The following RORA variants were observed in gnomAD, a reference collection of about 807,000 sequenced individuals.
RORA encodes RAR related orphan receptor A.
Under a neutral mutation model 69.5 loss-of-function variants are expected in RORA, and 7 were observed. That is an observed-to-expected ratio of 0.10 (90% CI 0.06 to 0.19). The LOEUF (loss-of-function observed/expected upper bound fraction) is 0.19. Ranked by LOEUF, RORA falls within the 10% of genes least tolerant of loss-of-function variation. The probability of loss-of-function intolerance (pLI) is 1.00; values close to 1 mark genes in which losing one functional copy is unlikely to be tolerated. For missense variants in RORA, 457 were observed against 663.0 expected (o/e 0.69, Z 3.41); for synonymous variants, 261 against 240.8 (o/e 1.08, Z -0.78).
intron 1 of RORA, among the ~76,000 whole-genome samples, chr15:60,718,613 C>G (rs2071251059): frequency 6.6e-6 from 1 of 152,114 alleles, no homozygotes; most frequent in Admixed American, 6.5e-5. Flanking sequence ...TGCAAACTGA[C>G]TTTAAAAGAC....
At chr15:60,948,648 C>G (rs1156983766) in intron 1 of RORA, among the ~76,000 whole-genome samples, 1 of 152,148 alleles carries the variant, frequency 6.6e-6, no homozygotes, top group African/African-American at 2.4e-5. Flanking sequence ...AAAACTGAGG[C>G]TTAGACAAGT....
chr15:61,156,717 G>A (rs1375002028), intron 1 of RORA, among the ~76,000 whole-genome samples: 1 of 152,186 alleles, frequency 6.6e-6, no homozygotes, highest in Non-Finnish European at 1.5e-5. Context: ...AAAACTTGAC[G>A]TCTTCTCCAG....
At chr15:60,513,591 T>G (rs2065773206) in intron 4 of RORA, among the ~76,000 whole-genome samples, 1 of 152,242 alleles carries the variant, frequency 6.6e-6, no homozygotes, top group African/African-American at 2.4e-5. Flanking sequence ...CATCGGAAGA[T>G]GAAATCTGCA....
chr15:60,966,691 C>T (rs1420686526), intron 1 of RORA, among the ~76,000 whole-genome samples: 1 of 152,176 alleles, frequency 6.6e-6, no homozygotes, highest in African/African-American at 2.4e-5. Flanking sequence ...AGAGAGAATG[C>T]TTCTACATTT....
chr15:61,008,360 T>A lies in RORA; in HGVS notation c.166+220693A>T, dbSNP rs1268339168. ...GGGTTTAAGGGGGCTAATGAAAATATTTGATTTAGCTCTCTAAAGAGATCT... is the reference window on the plus strand; with the variant it reads ...GGGTTTAAGGGGGCTAATGAAAATAATTGATTTAGCTCTCTAAAGAGATCT... On this transcript the variant is annotated intron_variant, in intron 1 of 10. Coordinates refer to ENST00000335670, the MANE Select transcript of RORA (RefSeq NM_134261.3). Among the ~76,000 whole-genome samples, 10 of 152,168 alleles carry A rather than the reference T, an allele frequency of 6.6e-5. No individual in the cohort carries two copies. In the East Asian group the frequency reaches 1.9e-3, roughly 29 times the overall value.
In RORA at chr15:60,489,380, TA is replaced by T. The variant is rs2087066663; in HGVS notation, c.*8074del. 1 of 152,218 alleles carries T rather than the reference TA, an allele frequency of 6.6e-6. No homozygotes were observed. Among genetic ancestry groups the T allele is most frequent in the South Asian group, 2.1e-4 (1 of 4,828 alleles). 9.4% of individuals were successfully genotyped at this position (152,218 alleles called of 1,614,324 possible). A position where few individuals can be genotyped will look rare whatever the true frequency, so the allele number is the denominator to read the frequency against. On this transcript the variant is annotated 3_prime_UTR_variant, in exon 11 of 11. Transcript: ENST00000335670. The stretch of plus-strand genomic sequence containing the variant: ...TCACCTTCAGTTACAAAAAGTGCAG[TA>T]AACAGAAACATTTGCTCTACATTTA...
At chr15:60,632,502 C>A (rs1396346828) in intron 2 of RORA, among the ~76,000 whole-genome samples, 1 of 152,182 alleles carries the variant, frequency 6.6e-6, no homozygotes, top group Non-Finnish European at 1.5e-5. Flanking sequence ...ATTTCAAATA[C>A]ACAATGAATA....
At chr15:60,772,084 T>A (rs1699676584) in intron 1 of RORA, among the ~76,000 whole-genome samples, 1 of 152,106 alleles carries the variant, frequency 6.6e-6, no homozygotes, top group African/African-American at 2.4e-5. Flanking sequence ...ATACTTTAAG[T>A]TCTAGGATAC....
intron 1 of RORA, among the ~76,000 whole-genome samples, chr15:61,137,052 AAAGAAAGAAAG>A (rs2079249569): frequency 3.4e-5 from 5 of 148,470 alleles, no homozygotes; most frequent in Admixed American, 3.3e-4. Flanking sequence ...AGAAAGAAAG[AAAGAAAGAAAG>A]AAAGAAAGAA....
chr15:60,688,410 TAAGA>T (rs887921728), intron 1 of RORA, among the ~76,000 whole-genome samples: 4 of 152,234 alleles, frequency 2.6e-5, no homozygotes, highest in African/African-American at 9.6e-5. Flanking sequence ...ATTATAATAA[TAAGA>T]AAGAAAAGTT....
chr15:60,835,596 C>T (rs112912456), intron 1 of RORA, among the ~76,000 whole-genome samples: 2,041 of 152,312 alleles, frequency 0.013, 13 homozygotes, highest in South Asian at 0.029. Flanking sequence ...ACACATATAA[C>T]TCTCATGGCA....
intron 2 of RORA, chr15:60,615,061 C>G: frequency 2.5e-6 from 4 of 1,593,820 alleles, no homozygotes; most frequent in Non-Finnish European, 3.4e-6. Context: ...TCAACCCACA[C>G]ACAGCCCCCT....
intron 1 of RORA, among the ~76,000 whole-genome samples, chr15:61,097,432 T>G (rs2078807047): frequency 6.6e-6 from 1 of 152,050 alleles, no homozygotes; most frequent in African/African-American, 2.4e-5. Context: ...CTGTCATCCC[T>G]CTCCTCCCTC....
intron 1 of RORA, among the ~76,000 whole-genome samples, chr15:60,917,563 G>A (rs929901347): frequency 1.3e-5 from 2 of 152,156 alleles, no homozygotes; most frequent in African/African-American, 4.8e-5. Flanking sequence ...AACTGACGAG[G>A]CATCCACGAG....
At chr15:61,124,754 C>T (rs868003633) in intron 1 of RORA, among the ~76,000 whole-genome samples, 1 of 152,186 alleles carries the variant, frequency 6.6e-6, no homozygotes, top group Non-Finnish European at 1.5e-5. Flanking sequence ...AGCCTTGTAA[C>T]TCTGAGTACT....
intron 2 of RORA, among the ~76,000 whole-genome samples, chr15:60,654,375 C>G (rs1450828385): frequency 1.3e-5 from 2 of 152,190 alleles, no homozygotes; most frequent in African/African-American, 2.4e-5. Context: ...TGCACTGAAA[C>G]TGCATGACTA....
At chr15:60,901,665 C>CA (rs1231971367) in intron 1 of RORA, among the ~76,000 whole-genome samples, 9 of 113,610 alleles carry the variant, frequency 7.9e-5, no homozygotes, top group African/African-American at 1.3e-4. Context: ...GTTAAATAAT[C>CA]GTAAGTGCTT....
rs61740274 is a variant in RORA, at chr15:60,511,542, C to T, written c.504G>A (p.Gln168=). 0.089 allele frequency: 144,382 copies of T among 1,614,046 alleles called. 7,101 individuals carry two copies. The highest frequency in any genetic ancestry group is 0.11 in the Middle Eastern group (666 of 6,054). ...CAGGCTGCTGCTGGTGGTCGCGCTG[C>T]TGCTGCTGCATCCGGTGTTTCTGTA... ...AEVQKHRMQQ[Q]QRDHQQQPGE... is the part of the protein sequence containing the mutation. Residue 168 remains glutamine (Q), a synonymous_variant, in exon 5 of 11, where the codon CAG becomes CAA. Transcript: ENST00000335670. This position sits in a 1 kb window ranked among gnomAD's most constrained non-coding sequence, Gnocchi z 6.4.
intron 1 of RORA, among the ~76,000 whole-genome samples, chr15:60,758,953 A>G (rs142986122): frequency 2.3e-4 from 35 of 152,358 alleles, no homozygotes; most frequent in African/African-American, 7.7e-4. Context: ...AGAGTGATCC[A>G]GAGATCTGAA....
Sources: gnomAD v4.1 joint callset for allele counts (sites outside exome capture counted in the v4.1 genomes callset) on GRCh38, gnomAD v4.1.1 for gene constraint, Gnocchi (gnomAD v3.1) non-coding constraint, MANE v1.5 for transcripts, NCBI Gene and HGNC (gene_info 2026-07-23, HGNC 2026-07-21) for gene names.